MYOM1: variants seen among roughly 807,000 people sequenced by gnomAD.
MYOM1 encodes the protein myomesin-1.
In MYOM1, 164 loss-of-function variants were observed where a neutral mutation model predicts 205.3. That is an observed-to-expected ratio of 0.80 (90% CI 0.70 to 0.91). The LOEUF (loss-of-function observed/expected upper bound fraction) is 0.91, where lower values mean the gene tolerates loss of function less well. Among genes scored for constraint, MYOM1 ranks in the 40% least tolerant of loss-of-function variants. MYOM1 has a pLI of 0.00. For synonymous variants in MYOM1, 772 were observed against 789.4 expected (o/e 0.98, Z 0.37); for missense variants, 2,011 against 2,127.3 (o/e 0.95, Z 1.08).
rs1373866215 is a variant in MYOM1 at position 3,102,720 on chromosome 18, A to G, written c.3419-90T>C. 2.9e-6 allele frequency: 4 copies of G among 1,379,776 alleles called. No individual in the cohort carries two copies. The South Asian group carries it at 5.4e-5, about 18-fold the overall frequency. 85.5% of individuals were successfully genotyped at this position (1,379,776 alleles called of 1,614,324 possible). A position where few individuals can be genotyped will look rare whatever the true frequency, so the allele number is the denominator to read the frequency against. ...CCTTGAGATTCTTTACTTTAACCCT[A>G]AAGTAGGGCCCTGATCCTAGGTCAG... On this transcript the variant is annotated intron_variant, in intron 22 of 37. Coordinates refer to ENST00000356443, the MANE Select transcript of MYOM1 (RefSeq NM_003803.4).
At position 3,079,339 on chromosome 18, in the gene MYOM1, C is replaced by T. The variant is rs748455963; in HGVS notation, c.4488G>A (p.Gly1496=). Residue 1496 remains glycine, a synonymous_variant, in exon 34 of 38, where the codon GGG becomes GGA. Transcript: ENST00000356443. ...EDLKVNWSHN[G]SAIRYSDRVK... is the part of the protein sequence containing the mutation. ...CTCTGTCTGAGTACCTAATGGCGGA[C>T]CCACTGTGAAAATCGAAGAAAACTT... 3.7e-6 allele frequency: 6 copies of T among 1,604,224 alleles called. No homozygotes were observed. Among genetic ancestry groups the T allele is most frequent in the Non-Finnish European group, 4.3e-6 (5 of 1,173,436 alleles).
At chr18:3,110,911 G>C in intron 22 of MYOM1, among the ~76,000 whole-genome samples, 1 of 150,508 alleles carries the variant, frequency 6.6e-6, no homozygotes. Flanking sequence ...AGATGAAAGA[G>C]ATCAGTTAGC....
At chr18:3,086,528 C>T (rs2079156337) in intron 29 of MYOM1, among the ~76,000 whole-genome samples, 1 of 152,104 alleles carries the variant, frequency 6.6e-6, no homozygotes. Context: ...GTTACAAAAA[C>T]AAATGGCTTT....
intron 8 of MYOM1, 81 bp from the exon 9 acceptor site, chr18:3,169,062 G>T: frequency 9.1e-7 from 1 of 1,096,576 alleles, no homozygotes; most frequent in Non-Finnish European, 1.2e-6. Context: ...CAGGCAGAAA[G>T]CAGTCACAGC....
At chr18:3,117,285 C>T (rs973616880) in intron 20 of MYOM1, among the ~76,000 whole-genome samples, 1 of 152,206 alleles carries the variant, frequency 6.6e-6, no homozygotes, top group Admixed American at 6.5e-5. Flanking sequence ...GAAAAAGCAT[C>T]ACTCCCAATT....
upstream of MYOM1, among the ~76,000 whole-genome samples, chr18:3,224,752 C>T (rs2081345566): frequency 6.6e-6 from 1 of 152,154 alleles, no homozygotes; most frequent in African/African-American, 2.4e-5. Flanking sequence ...GCAACCTCCG[C>T]CTCTTGGGTT....
intron 8 of MYOM1, among the ~76,000 whole-genome samples, chr18:3,170,156 A>G (rs1325498469): frequency 6.6e-6 from 1 of 152,232 alleles, no homozygotes; most frequent in Non-Finnish European, 1.5e-5. Context: ...CTGTAGTGCA[A>G]GGGGAAATAA....
chr18:3,121,473 C>T (rs1475199801), intron 19 of MYOM1, among the ~76,000 whole-genome samples: 1 of 152,170 alleles, frequency 6.6e-6, no homozygotes, highest in Non-Finnish European at 1.5e-5. Context: ...GAAGATGGTG[C>T]AATTACATCT....
intron 12 of MYOM1, among the ~76,000 whole-genome samples, chr18:3,150,691 G>A (rs189737183): frequency 1.3e-5 from 2 of 152,244 alleles, no homozygotes; most frequent in Admixed American, 6.5e-5. Context: ...GTCATTTTAC[G>A]TTCCCTATTG....
intron 5 of MYOM1, among the ~76,000 whole-genome samples, chr18:3,184,363 G>A (rs1214762964): frequency 6.6e-6 from 1 of 152,108 alleles, no homozygotes; most frequent in African/African-American, 2.4e-5. Context: ...AACTTATACT[G>A]CTAATTTATT....
Position 3,119,914 on chromosome 18 carries a change from C to A in MYOM1, c.3073G>T (p.Val1025Leu). Reference protein sequence around the residue: ...NMAGLGAPSAVSECFKCEEWT... With the variant: ...NMAGLGAPSALSECFKCEEWT... The stretch of plus-strand genomic sequence containing the variant: ...TCTTCACATTTGAAGCATTCGCTTA[C>A]TGCGGAGGGCGCGCCCAGCCCAGCC... The change falls in exon 20 of 38, where the codon GTA (valine) becomes TTA (leucine). Residue 1025 changes from valine (V) to leucine (L), a missense_variant. Val to Leu is a conservative substitution (Grantham distance 32). Transcript: ENST00000356443. 1 of 1,612,934 alleles carries A rather than the reference C, an allele frequency of 6.2e-7. No individual in the cohort carries two copies. Among genetic ancestry groups the A allele is most frequent in the South Asian group, 1.1e-5 (1 of 90,874 alleles).
intron 9 of MYOM1, among the ~76,000 whole-genome samples, chr18:3,165,572 C>T (rs2080455864): frequency 6.6e-6 from 1 of 151,944 alleles, no homozygotes; most frequent in South Asian, 2.1e-4. Flanking sequence ...TTGAAGAATT[C>T]TAATAACTGC....
intron 29 of MYOM1, 86 bp from the exon 30 acceptor site, chr18:3,086,237 AAAGAAAAAG>A (rs2079152729): frequency 1.4e-6 from 1 of 706,774 alleles, no homozygotes; most frequent in Admixed American, 3.2e-5. Flanking sequence ...GCAAGATATA[AAAGAAAAAG>A]CACTGAACGT....
the MYOM1 span, among the ~76,000 whole-genome samples, chr18:3,232,158 C>T: frequency 2.0e-4 from 31 of 151,714 alleles, no homozygotes; most frequent in South Asian, 2.1e-4. Context: ...GGTAAAACCC[C>T]GTCTCAACTA....
chr18:3,235,380 G>A, the MYOM1 span, among the ~76,000 whole-genome samples: 3 of 152,068 alleles, frequency 2.0e-5, no homozygotes, highest in African/African-American at 4.8e-5. Context: ...CTTACCCTCT[G>A]CTAATCCTCC....
chr18:3,077,485 T>C (rs2079032557), intron 34 of MYOM1, among the ~76,000 whole-genome samples: 1 of 152,192 alleles, frequency 6.6e-6, no homozygotes, highest in Admixed American at 6.5e-5. Flanking sequence ...GTCCTGATTT[T>C]TTCTCATCTG....
intron 5 of MYOM1, among the ~76,000 whole-genome samples, chr18:3,182,949 G>T (rs1393457912): frequency 4.6e-5 from 5 of 107,532 alleles, no homozygotes; most frequent in African/African-American, 1.7e-4. Flanking sequence ...TTTTGAGACA[G>T]AGTTTCGCTC....
chr18:3,220,418 T>C (rs2081318173), upstream of MYOM1, among the ~76,000 whole-genome samples: 1 of 152,212 alleles, frequency 6.6e-6, no homozygotes, highest in African/African-American at 2.4e-5. Context: ...GTGGTGGCGA[T>C]TTTTGCCTGA....
rs1007460484 is a variant in MYOM1 at position 3,135,966 on chromosome 18, T to C, written c.2026-236A>G. ...GTCCCTGCCCAAATCTCATCTACAA[T>C]TGTAGCTCCCATAATTCCCATGTGT... On this transcript the variant is annotated intron_variant, in intron 14 of 37. Transcript: ENST00000356443. This position sits in a 1 kb window ranked among gnomAD's most constrained non-coding sequence, Gnocchi z 4.1. 6.6e-6 allele frequency among the ~76,000 whole-genome samples: 1 copy of C among 152,174 alleles called. No individual in the cohort carries two copies. The highest frequency in any genetic ancestry group is 1.5e-5 in the Non-Finnish European group (1 of 68,016).
Sources: allele counts gnomAD v4.1 joint callset (sites outside exome capture counted in the v4.1 genomes callset), GRCh38; gene constraint gnomAD v4.1.1; non-coding constraint Gnocchi (gnomAD v3.1); transcripts MANE v1.5; gene names NCBI Gene and HGNC (gene_info 2026-07-23, HGNC 2026-07-21).